The following FILIP1 variants were observed in gnomAD, a reference collection of about 807,000 sequenced individuals.
FILIP1 encodes filamin-A-interacting protein 1.
In FILIP1, 61 loss-of-function variants were observed where a neutral mutation model predicts 102.1. That is an observed-to-expected ratio of 0.60 (90% CI 0.49 to 0.74). FILIP1 has a LOEUF of 0.74. Ranked by LOEUF, FILIP1 falls within the 30% of genes least tolerant of loss-of-function variation. FILIP1 has a pLI of 0.00. For synonymous variants in FILIP1, 491 were observed against 526.9 expected, an observed-to-expected ratio of 0.93 and a Z score of 0.93; for missense variants, 1,314 against 1,441.2, an observed-to-expected ratio of 0.91 and a Z score of 1.43.
chr6:75,482,456 TAATGAA>T (rs1779673065), intron 1 of FILIP1, among the ~76,000 whole-genome samples: 1 of 152,180 alleles, frequency 6.6e-6, no homozygotes, highest in African/African-American at 2.4e-5. Context: ...CGTTTCCAGC[TAATGAA>T]CTACAGCCTG....
chr6:75,478,330 A>G (rs751428256), intron 1 of FILIP1, among the ~76,000 whole-genome samples: 27 of 152,208 alleles, frequency 1.8e-4, no homozygotes, highest in Non-Finnish European at 3.8e-4. Flanking sequence ...TTTCACTCAC[A>G]TTGCTCTTCC....
intron 2 of FILIP1, among the ~76,000 whole-genome samples, chr6:75,369,564 G>A (rs969448124): frequency 7.1e-6 from 1 of 141,082 alleles, no homozygotes; most frequent in Non-Finnish European, 1.5e-5. Context: ...TTAAACTTGT[G>A]TGGCTTTTCT....
At chr6:75,304,894 T>C (rs1377824816), downstream of FILIP1, among the ~76,000 whole-genome samples, 1 of 152,124 alleles carries the variant, frequency 6.6e-6, no homozygotes, top group Non-Finnish European at 1.5e-5. Flanking sequence ...AATTTCTTTA[T>C]TAAAAATAAA....
chr6:75,483,415 A>C (rs1310237368), intron 1 of FILIP1, among the ~76,000 whole-genome samples: 1 of 152,198 alleles, frequency 6.6e-6, no homozygotes, highest in Non-Finnish European at 1.5e-5. Flanking sequence ...AGCCAAACTC[A>C]CAAGACTAGG....
exon 7 of FILIP1, chr6:75,295,792 G>A: frequency 1.7e-6 from 1 of 588,834 alleles, no homozygotes; most frequent in Non-Finnish European, 2.5e-6. Context: ...ACTGGAAGTA[G>A]TAAAATATTT....
rs74296342 is a variant in FILIP1 at position 75,296,028 on chromosome 6, C to T, written c.3494-78G>A. ...AAGCTACATCATTTCACTAAAAGAT[C>T]ATAGATGTTAAATAACAAAACAAAC... On this transcript the variant is annotated intron_variant, in intron 6 of 6. Transcript: ENST00000393004. 6.0e-3 allele frequency: 6,121 copies of T among 1,012,270 alleles called. 296 individuals are homozygous for T. In the East Asian group the frequency reaches 0.13, roughly 21 times the overall value. 62.7% of individuals were successfully genotyped at this position (1,012,270 alleles called of 1,614,324 possible).
At chr6:75,409,056 T>C (rs555432910) in intron 2 of FILIP1, among the ~76,000 whole-genome samples, 11 of 152,290 alleles carry the variant, frequency 7.2e-5, no homozygotes, top group Admixed American at 3.3e-4. Flanking sequence ...ACCTAAAAAG[T>C]TTCATCTTTT....
chr6:75,388,315 G>T (rs1776167817), intron 2 of FILIP1, among the ~76,000 whole-genome samples: 1 of 152,160 alleles, frequency 6.6e-6, no homozygotes, highest in Admixed American at 6.6e-5. Context: ...CAGATAGCGT[G>T]ATGCCTCCAG....
intron 2 of FILIP1, among the ~76,000 whole-genome samples, chr6:75,368,858 G>A (rs1041957112): frequency 1.3e-5 from 2 of 152,186 alleles, no homozygotes; most frequent in African/African-American, 4.8e-5. Context: ...GCAGGACAGC[G>A]ATGGTCAGAT....
Position 75,312,783 on chromosome 6 carries a change from C to A in FILIP1, c.3049G>T (p.Ala1017Ser), listed in dbSNP as rs757941734. The change falls in exon 5 of 6, where the codon GCA becomes TCA. Residue 1017 changes from alanine to serine, a missense_variant. Transcript: ENST00000237172. ...GGAGAAACTGCAATCTCAGCTGGTG[C>A]TGCTGATGTAGACACCGTCATTATC... ...IQIMTVSTSA[A>S]PAEIAVSPES... is the part of the protein sequence containing the mutation. The A allele has an allele frequency of 6.2e-7, 1 of 1,614,172 alleles. No individual in the cohort carries two copies. Among genetic ancestry groups the A allele is most frequent in the Non-Finnish European group, 8.5e-7 (1 of 1,180,038 alleles).
intron 3 of FILIP1, chr6:75,357,336 C>T (rs946719936): frequency 3.3e-5 from 5 of 152,228 alleles, no homozygotes; most frequent in African/African-American, 1.2e-4. Context: ...AAAAACAGCA[C>T]ATGGAAGTAT....
At chr6:75,358,582 T>C (rs1775078355) in intron 3 of FILIP1, 1 of 152,190 alleles carries the variant, frequency 6.6e-6, no homozygotes, top group African/African-American at 2.4e-5. Context: ...AAAGTGGTTA[T>C]ATAAAATATG....
Position 75,314,913 on chromosome 6 carries a change from C to A in FILIP1, c.919G>T (p.Ala307Ser), listed in dbSNP as rs866193515. 2.5e-6 allele frequency: 4 copies of A among 1,613,990 alleles called. No individual in the cohort carries two copies. Among genetic ancestry groups the A allele is most frequent in the East Asian group, 2.2e-5 (1 of 44,894 alleles). Residue 307 changes from alanine (A) to serine (S), a missense_variant, in exon 5 of 6, where the codon GCT becomes TCT. By Grantham distance (99) the Ala-to-Ser change is moderately conservative. Transcript: ENST00000237172. ...TCATGCTCTTGAGAAAACCTCGAAG[C>A]CTTGTGTTCAAAGTCCACTTCTAAC... is the stretch of plus-strand genomic sequence containing the variant. ...LKLEVDFEHK[A>S]SRFSQEHEEM... is the part of the protein sequence containing the mutation.
intron 4 of FILIP1, among the ~76,000 whole-genome samples, chr6:75,333,121 G>A (rs1429918727): frequency 1.3e-5 from 2 of 151,888 alleles, no homozygotes; most frequent in Non-Finnish European, 2.9e-5. Flanking sequence ...ATCACTTATT[G>A]GTGTGTTTTC....
rs145027773 is a variant in FILIP1, at chr6:75,435,756, T to C, written c.-6-20778A>G. 8.5e-3 allele frequency among the ~76,000 whole-genome samples: 1,295 copies of C among 152,258 alleles called. 17 individuals are homozygous for C. Among genetic ancestry groups the C allele is most frequent in the Admixed American group, 0.031 (482 of 15,312 alleles). On this transcript the variant is annotated intron_variant, in intron 1 of 5. Transcript: ENST00000237172. ...TGCTGAGTGACTTTTCCCGTCATCA[T>C]TGATACTACTGAGGTGTTATCAAAG...
intron 2 of FILIP1, among the ~76,000 whole-genome samples, chr6:75,389,328 A>G (rs905488228): frequency 2.6e-5 from 4 of 152,128 alleles, no homozygotes; most frequent in African/African-American, 9.7e-5. Context: ...TTGGCCTGAA[A>G]TGTTCTTTTT....
chr6:75,319,237 G>T, intron 4 of FILIP1: 1 of 728,256 alleles, frequency 1.4e-6, no homozygotes. Flanking sequence ...CTTTTCATAA[G>T]GCTGCTTGTC....
chr6:75,298,292 T>C (rs1191701873), intron 6 of FILIP1, among the ~76,000 whole-genome samples: 4 of 152,228 alleles, frequency 2.6e-5, no homozygotes, highest in African/African-American at 9.6e-5. Context: ...AAAACAAATG[T>C]CTCAGAAATA....
chr6:75,464,785 C>T (rs1166891058), intron 1 of FILIP1, among the ~76,000 whole-genome samples: 1 of 152,114 alleles, frequency 6.6e-6, no homozygotes, highest in Non-Finnish European at 1.5e-5. Flanking sequence ...CTGGTCTTAC[C>T]CGCTATCTGG....
Sources: allele counts gnomAD v4.1 joint callset (sites outside exome capture counted in the v4.1 genomes callset), GRCh38; gene constraint gnomAD v4.1.1; transcripts MANE v1.5; gene names NCBI Gene and HGNC (gene_info 2026-07-23, HGNC 2026-07-21).